P2RY8: variants seen among roughly 807,000 people sequenced by gnomAD.
The protein encoded by P2RY8 is P2Y receptor family member 8.
A neutral mutation model predicts 10.0 loss-of-function variants in P2RY8; 6 were observed. The observed-to-expected ratio is 0.60, with a 90% CI of 0.33 to 1.19. The LOEUF (loss-of-function observed/expected upper bound fraction) is 1.19, where lower values mean the gene tolerates loss of function less well. Among genes scored for constraint, P2RY8 ranks in the 50% most tolerant of loss-of-function variants. P2RY8 has a pLI of 0.04. For synonymous variants in P2RY8, 276 were observed against 252.5 expected (o/e 1.09, Z -0.88); for missense variants, 456 against 542.0 (o/e 0.84, Z 1.58).
intron 1 of P2RY8, 75 bp from the exon 2 acceptor site, chrX:1,466,657 C>T: frequency 2.8e-6 from 4 of 1,405,094 alleles, no homozygotes; most frequent in Non-Finnish European, 3.8e-6. Context: ...GGCTCCTGAG[C>T]GCCGCTCCCC....
At chrX:1,518,550 C>T (rs1299821753) in intron 1 of P2RY8, among the ~76,000 whole-genome samples, 1 of 151,482 alleles carries the variant, frequency 6.6e-6, no homozygotes, top group African/African-American at 2.4e-5. Context: ...CCCCCAAAAC[C>T]TGTCTGTTTC....
At chrX:1,471,092 C>T (rs1252338566) in intron 1 of P2RY8, among the ~76,000 whole-genome samples, 1 of 151,644 alleles carries the variant, frequency 6.6e-6, no homozygotes, top group East Asian at 1.9e-4. Flanking sequence ...TCGGCAACCT[C>T]CGCTTCCCCG....
intron 1 of P2RY8, among the ~76,000 whole-genome samples, chrX:1,498,970 GA>G (rs1485474241): frequency 2.0e-5 from 3 of 151,712 alleles, no homozygotes; most frequent in Non-Finnish European, 4.4e-5. Flanking sequence ...GAGTAGCTGG[GA>G]TTACAGGCGC....
chrX:1,535,116 C>T (rs2092514318), intron 1 of P2RY8, among the ~76,000 whole-genome samples: 1 of 150,238 alleles, frequency 6.7e-6, no homozygotes, highest in South Asian at 2.1e-4. Flanking sequence ...TCCTGGTGCA[C>T]GTAGGACGCT....
chrX:1,490,904 C>T (rs28676608), intron 1 of P2RY8, among the ~76,000 whole-genome samples: 2 of 146,054 alleles, frequency 1.4e-5, no homozygotes, highest in African/African-American at 5.2e-5. Context: ...CAGATATTCC[C>T]TGCAAATGTG....
At chrX:1,518,443 AATAAT>A (rs2092367627) in intron 1 of P2RY8, among the ~76,000 whole-genome samples, 1 of 142,816 alleles carries the variant, frequency 7.0e-6, no homozygotes, top group Non-Finnish European at 1.6e-5. Context: ...AAAAAATAAT[AATAAT>A]ATAATAAAAT....
chrX:1,535,359 G>A (rs1181919488), intron 1 of P2RY8, among the ~76,000 whole-genome samples: 1 of 150,962 alleles, frequency 6.6e-6, no homozygotes, highest in Non-Finnish European at 1.5e-5. Flanking sequence ...GGCTAATTTT[G>A]GTATTTTTAG....
intron 1 of P2RY8, among the ~76,000 whole-genome samples, chrX:1,509,114 T>G (rs2092267426): frequency 6.6e-6 from 1 of 151,770 alleles, no homozygotes. Flanking sequence ...TATCTATCTA[T>G]CTATCTATCT....
chrX:1,514,025 T>C (rs1471354572), intron 1 of P2RY8, among the ~76,000 whole-genome samples: 4 of 152,206 alleles, frequency 2.6e-5, no homozygotes, highest in Non-Finnish European at 4.4e-5. Flanking sequence ...GGTTAGGGCA[T>C]GGTCCTATCT....
At position 1,524,805 on chromosome X, in the gene P2RY8, T is replaced by C. The variant is rs1268779383; in HGVS notation, c.-25+12116A>G. Among the ~76,000 whole-genome samples, 734 of 75,662 alleles carry C rather than the reference T, an allele frequency of 9.7e-3. 9 individuals are homozygous for C. The highest frequency in any genetic ancestry group is 0.012 in the Non-Finnish European group (440 of 35,938). The allele number at this position is 75,662 out of a possible 152,430, so 49.6% of individuals were successfully genotyped here. A position where few individuals can be genotyped will look rare whatever the true frequency, so the allele number is the denominator to read the frequency against. ...TCCACTCATCCATTCATCCATCCAC[T>C]CATCCATCCATCCATCCATCCATCC... On this transcript the variant is annotated intron_variant, in intron 1 of 1. Transcript: ENST00000381297.
chrX:1,463,456 G>C lies in P2RY8; in HGVS notation c.*2023C>G, dbSNP rs143399979. 409 of 226,604 alleles carry C rather than the reference G, an allele frequency of 1.8e-3. No individual in the cohort carries two copies. The highest frequency in any genetic ancestry group is 7.2e-3 in the African/African-American group (322 of 44,582). The allele number at this position is 226,604 out of a possible 1,614,324, so 14.0% of individuals were successfully genotyped here. A position where few individuals can be genotyped will look rare whatever the true frequency, so the allele number is the denominator to read the frequency against. ...GGCCGCATCACTCCAGTCTGCCTCT[G>C]TCTCCACGTGTCCTCCTGCTCTGTG... On this transcript the variant is annotated 3_prime_UTR_variant, in exon 2 of 2. Transcript: ENST00000381297.
intron 1 of P2RY8, among the ~76,000 whole-genome samples, chrX:1,471,988 G>A (rs774826030): frequency 2.0e-4 from 30 of 152,210 alleles, no homozygotes; most frequent in Non-Finnish European, 3.4e-4. Context: ...CACCCAGTTT[G>A]TGGTTCTTTT....
intron 1 of P2RY8, among the ~76,000 whole-genome samples, chrX:1,478,002 C>T (rs1455463731): frequency 8.5e-5 from 13 of 152,252 alleles, no homozygotes; most frequent in Non-Finnish European, 1.8e-4. Context: ...CGTCACGGAC[C>T]TCCCACCCCA....
intron 1 of P2RY8, among the ~76,000 whole-genome samples, chrX:1,501,233 G>A (rs1190105533): frequency 9.9e-5 from 15 of 152,120 alleles, no homozygotes; most frequent in South Asian, 6.2e-4. Flanking sequence ...GAATGTTTTC[G>A]GTCCGACTTC....
chrX:1,501,825 C>T (rs1297733138), intron 1 of P2RY8, among the ~76,000 whole-genome samples: 1 of 151,592 alleles, frequency 6.6e-6, no homozygotes, highest in South Asian at 2.1e-4. Context: ...GATATCTGGA[C>T]CTTGTGATCT....
chrX:1,505,714 A>C (rs1340789922), intron 1 of P2RY8, among the ~76,000 whole-genome samples: 2 of 151,712 alleles, frequency 1.3e-5, no homozygotes, highest in Non-Finnish European at 2.9e-5. Context: ...CGCTTGAACC[A>C]GGGAGGCGGA....
intron 1 of P2RY8, among the ~76,000 whole-genome samples, chrX:1,500,100 C>T (rs181060117): frequency 0.025 from 3,700 of 150,100 alleles, 61 homozygotes; most frequent in Middle Eastern, 0.048. Context: ...CCTCATGATC[C>T]GCCTGCCTCG....
chrX:1,504,989 T>C (rs1407978538), intron 1 of P2RY8, among the ~76,000 whole-genome samples: 1 of 151,838 alleles, frequency 6.6e-6, no homozygotes, highest in Non-Finnish European at 1.5e-5. Context: ...CAAAAATAAA[T>C]TAGCCGGGCG....
At chrX:1,533,303 C>T (rs1231228786) in intron 1 of P2RY8, among the ~76,000 whole-genome samples, 1 of 148,870 alleles carries the variant, frequency 6.7e-6, no homozygotes, top group Non-Finnish European at 1.5e-5. Flanking sequence ...GAGGAGTGTG[C>T]TTTCTTGAGG....
Sources: gnomAD v4.1 joint callset for allele counts (sites outside exome capture counted in the v4.1 genomes callset) on GRCh38, gnomAD v4.1.1 for gene constraint, MANE v1.5 for transcripts, NCBI Gene and HGNC (gene_info 2026-07-23, HGNC 2026-07-21) for gene names.